Variants in NDST3 observed in about 807,000 individuals in gnomAD.
NDST3 encodes bifunctional heparan sulfate N-deacetylase/N-sulfotransferase 3.
In NDST3, 58 loss-of-function variants were observed where a neutral mutation model predicts 96.1. That is an observed-to-expected ratio of 0.60 (90% confidence interval 0.49 to 0.75). The LOEUF (loss-of-function observed/expected upper bound fraction) is 0.75, where lower values mean the gene tolerates loss of function less well. Ranked by LOEUF, NDST3 falls within the 30% of genes least tolerant of loss-of-function variation. The pLI is 0.00. For synonymous variants in NDST3, 333 were observed against 359.7 expected, an observed-to-expected ratio of 0.93 and a Z score of 0.84; for missense variants, 788 against 1,034.2, an observed-to-expected ratio of 0.76 and a Z score of 3.27.
At chr4:118,096,642 A>G (rs1444439345) in intron 2 of NDST3, among the ~76,000 whole-genome samples, 8 of 150,976 alleles carry the variant, frequency 5.3e-5, no homozygotes, top group Non-Finnish European at 3.0e-5. Flanking sequence ...CCCAATACAT[A>G]CTCCATTATG....
intron 2 of NDST3, among the ~76,000 whole-genome samples, chr4:118,055,878 T>G (rs1204170308): frequency 6.6e-6 from 1 of 151,902 alleles, no homozygotes; most frequent in Non-Finnish European, 1.5e-5. Context: ...GTAATGTTCA[T>G]CACACTAGTT....
rs759383568 is a variant in NDST3 at position 118,183,014 on chromosome 4, CCAAA to C, written c.1539+39346_1539+39349del. 6.3e-4 allele frequency among the ~76,000 whole-genome samples: 96 copies of C among 152,208 alleles called. 1 individual carries two copies. Among genetic ancestry groups the C allele is most frequent in the African/African-American group, 1.8e-3 (76 of 41,544 alleles). ...GGATCAGAAAATAAGACTACTCATACCAAACAAACAAACAAACAATCACCAGATT... is the reference window on the plus strand; with the variant it reads ...GGATCAGAAAATAAGACTACTCATACCAAACAAACAAACAATCACCAGATT... On this transcript the variant is annotated intron_variant, in intron 6 of 13. Coordinates refer to ENST00000296499, the MANE Select transcript of NDST3 (RefSeq NM_004784.3).
At chr4:118,053,384 G>C (rs563097112) in intron 1 of NDST3, among the ~76,000 whole-genome samples, 24 of 152,044 alleles carry the variant, frequency 1.6e-4, no homozygotes, top group African/African-American at 5.8e-4. Context: ...AAAACAAACA[G>C]CTTGAGTATG....
At chr4:118,190,109 A>G (rs1374673471) in intron 6 of NDST3, among the ~76,000 whole-genome samples, 1 of 151,962 alleles carries the variant, frequency 6.6e-6, no homozygotes, top group East Asian at 1.9e-4. Context: ...CATTCTGTAT[A>G]CAGAATTGTT....
intron 9 of NDST3, 121 bp from the exon 10 acceptor site, chr4:118,236,925 C>G: frequency 1.5e-6 from 1 of 647,028 alleles, no homozygotes. Flanking sequence ...AGGACAAATG[C>G]TGTAAAGAAA....
At chr4:118,039,479 A>G (rs79728772) in intron 1 of NDST3, among the ~76,000 whole-genome samples, 8,064 of 152,334 alleles carry the variant, frequency 0.053, 333 homozygotes, top group Middle Eastern at 0.085. Context: ...CATTAAAAAT[A>G]TAGAAGTGAA....
intron 3 of NDST3, among the ~76,000 whole-genome samples, chr4:118,111,772 A>G (rs1394693456): frequency 6.6e-6 from 1 of 152,110 alleles, no homozygotes; most frequent in Non-Finnish European, 1.5e-5. Context: ...ATATGTCAGA[A>G]GGCAGATATC....
chr4:118,112,504 A>G (rs1730719284), intron 3 of NDST3, among the ~76,000 whole-genome samples: 1 of 152,200 alleles, frequency 6.6e-6, no homozygotes, highest in Admixed American at 6.5e-5. Context: ...GCCTGCTCTC[A>G]ATGTGAGAAA....
intron 4 of NDST3, among the ~76,000 whole-genome samples, chr4:118,115,965 G>A (rs1025691905): frequency 6.6e-6 from 1 of 152,080 alleles, no homozygotes; most frequent in Non-Finnish European, 1.5e-5. Context: ...TTGATATTTT[G>A]TCAAGAAAGC....
chr4:118,101,732 T>C (rs976218653), intron 2 of NDST3, among the ~76,000 whole-genome samples: 1 of 152,118 alleles, frequency 6.6e-6, no homozygotes, highest in Non-Finnish European at 1.5e-5. Flanking sequence ...AAAATATACA[T>C]GCTACATTGT....
intron 6 of NDST3, among the ~76,000 whole-genome samples, chr4:118,202,254 T>C (rs555205775): frequency 2.0e-5 from 3 of 152,308 alleles, no homozygotes; most frequent in Admixed American, 2.0e-4. Flanking sequence ...TGAAGTTGGG[T>C]AATGTGATAC....
At chr4:118,213,678 T>G (rs1009303571) in intron 6 of NDST3, among the ~76,000 whole-genome samples, 2 of 150,620 alleles carry the variant, frequency 1.3e-5, no homozygotes, top group African/African-American at 2.4e-5. Flanking sequence ...TACCATACAT[T>G]AACATACACA....
At chr4:118,082,536 G>A (rs1429915090) in intron 2 of NDST3, among the ~76,000 whole-genome samples, 1 of 152,172 alleles carries the variant, frequency 6.6e-6, no homozygotes, top group Non-Finnish European at 1.5e-5. Context: ...ATAATGGACA[G>A]TAAGCCTGAG....
At chr4:118,141,033 T>C in intron 5 of NDST3, among the ~76,000 whole-genome samples, 1 of 152,138 alleles carries the variant, frequency 6.6e-6, no homozygotes. Context: ...CTCTAAGTGG[T>C]CTTTATTGGT....
intron 11 of NDST3, among the ~76,000 whole-genome samples, 174 bp from the exon 12 acceptor site, chr4:118,241,866 T>C (rs1435228140): frequency 6.6e-6 from 1 of 152,214 alleles, no homozygotes; most frequent in Non-Finnish European, 1.5e-5. Context: ...ATTGGTGTGA[T>C]TTATTTCTTA....
At chr4:118,197,803 CT>C (rs749135213) in intron 6 of NDST3, among the ~76,000 whole-genome samples, 2,983 of 127,284 alleles carry the variant, frequency 0.023, 37 homozygotes, top group Middle Eastern at 0.083. Context: ...TGGCTTTTGG[CT>C]TTTTTTTTTT....
chr4:118,199,398 A>G (rs1737917998), intron 6 of NDST3, among the ~76,000 whole-genome samples: 1 of 152,112 alleles, frequency 6.6e-6, no homozygotes, highest in South Asian at 2.1e-4. Context: ...GAATTTCTGC[A>G]TGATCCTTTT....
At chr4:118,209,567 T>C (rs1305930559) in intron 6 of NDST3, among the ~76,000 whole-genome samples, 1 of 152,234 alleles carries the variant, frequency 6.6e-6, no homozygotes, top group Non-Finnish European at 1.5e-5. Flanking sequence ...TAATTGATCA[T>C]CAATCTTTAG....
chr4:118,236,481 T>G (rs1161149795), intron 9 of NDST3, among the ~76,000 whole-genome samples: 1 of 152,210 alleles, frequency 6.6e-6, no homozygotes, highest in Non-Finnish European at 1.5e-5. Context: ...AAGAGGAACA[T>G]AAGTGGCTCT....
Sources: gnomAD v4.1 joint callset for allele counts (sites outside exome capture counted in the v4.1 genomes callset) on GRCh38, gnomAD v4.1.1 for gene constraint, MANE v1.5 for transcripts, NCBI Gene and HGNC (gene_info 2026-07-23, HGNC 2026-07-21) for gene names.